The following NCALD variants were observed in gnomAD, a reference collection of about 807,000 sequenced individuals.
NCALD encodes neurocalcin-delta.
NCALD carries 10 observed loss-of-function variants against 18.6 expected under a neutral mutation model. The observed-to-expected ratio is 0.54, with a 90% CI of 0.33 to 0.91. The LOEUF is 0.91. Ranked by LOEUF, NCALD falls within the 40% of genes least tolerant of loss-of-function variation. NCALD has a pLI of 0.03. For missense variants in NCALD, 184 were observed against 247.6 expected (o/e 0.74, Z 1.72); for synonymous variants, 88 against 87.4 (o/e 1.01, Z -0.04).
At chr8:101,722,953 T>C (rs1173393555) in intron 1 of NCALD, among the ~76,000 whole-genome samples, 1 of 152,222 alleles carries the variant, frequency 6.6e-6, no homozygotes, top group African/African-American at 2.4e-5. Flanking sequence ...CTTGGTTAGA[T>C]GGTACAACAC....
intron 2 of NCALD, among the ~76,000 whole-genome samples, chr8:101,927,105 GTTTA>G (rs1345474137): frequency 6.6e-6 from 1 of 152,122 alleles, no homozygotes; most frequent in African/African-American, 2.4e-5. Flanking sequence ...ATCCCAGCAA[GTTTA>G]TTTACCCACT....
At chr8:101,875,291 C>G (rs571113294) in intron 4 of NCALD, among the ~76,000 whole-genome samples, 1 of 152,372 alleles carries the variant, frequency 6.6e-6, no homozygotes, top group South Asian at 2.1e-4. Context: ...CCTGGCTCTT[C>G]ATCCTGTTCC....
At chr8:102,000,867 C>G (rs1380671514) in intron 2 of NCALD, among the ~76,000 whole-genome samples, 1 of 152,130 alleles carries the variant, frequency 6.6e-6, no homozygotes, top group African/African-American at 2.4e-5. Context: ...ACACCAAAAC[C>G]CCATCTGTAC....
chr8:102,104,631 G>C (rs1018954070), intron 1 of NCALD, among the ~76,000 whole-genome samples: 3 of 152,094 alleles, frequency 2.0e-5, no homozygotes, highest in Admixed American at 2.0e-4. Context: ...TATTACAGCT[G>C]TCCAGTTATT....
At chr8:101,813,535 T>C (rs1399453666) in intron 4 of NCALD, among the ~76,000 whole-genome samples, 4 of 152,184 alleles carry the variant, frequency 2.6e-5, no homozygotes, top group Non-Finnish European at 5.9e-5. Context: ...CGAGACCAAT[T>C]TAAAATATTT....
chr8:102,074,468 C>A (rs1824277654), intron 1 of NCALD, among the ~76,000 whole-genome samples: 1 of 152,160 alleles, frequency 6.6e-6, no homozygotes, highest in Non-Finnish European at 1.5e-5. Flanking sequence ...AAGTTCCTGA[C>A]ATTGGTGTGA....
At chr8:101,920,013 T>C (rs948548310) in intron 2 of NCALD, among the ~76,000 whole-genome samples, 10 of 152,276 alleles carry the variant, frequency 6.6e-5, no homozygotes, top group South Asian at 4.2e-4. Flanking sequence ...CCCCAGCACT[T>C]CGGGAGGCCA....
intron 1 of NCALD, among the ~76,000 whole-genome samples, chr8:102,053,507 C>A (rs1259319486): frequency 1.3e-5 from 2 of 152,134 alleles, no homozygotes; most frequent in Non-Finnish European, 2.9e-5. Flanking sequence ...TTCATTTAAT[C>A]CTCACAGCAG....
At chr8:102,114,253 C>T (rs1218029397) in intron 1 of NCALD, among the ~76,000 whole-genome samples, 3 of 152,262 alleles carry the variant, frequency 2.0e-5, no homozygotes, top group Non-Finnish European at 4.4e-5. Flanking sequence ...TCACCCATCC[C>T]TACCAGGAGC....
chr8:101,739,630 C>A (rs1242974146), intron 1 of NCALD, among the ~76,000 whole-genome samples: 3 of 148,264 alleles, frequency 2.0e-5, no homozygotes, highest in Non-Finnish European at 4.4e-5. Flanking sequence ...TCTTTCTCCC[C>A]TGCTGGATGC....
intron 1 of NCALD, among the ~76,000 whole-genome samples, chr8:102,046,754 C>T (rs1256037513): frequency 6.6e-6 from 1 of 150,994 alleles, no homozygotes; most frequent in African/African-American, 2.4e-5. Flanking sequence ...ACTGGGATAA[C>T]AGGCTTGAGC....
chr8:101,854,922 T>C (rs972984228), intron 4 of NCALD, among the ~76,000 whole-genome samples: 1 of 152,170 alleles, frequency 6.6e-6, no homozygotes, highest in African/African-American at 2.4e-5. Flanking sequence ...AGATCAATAA[T>C]GCCATTGTGT....
intron 1 of NCALD, among the ~76,000 whole-genome samples, chr8:102,093,566 G>C (rs2132383902): frequency 6.6e-6 from 1 of 152,348 alleles, no homozygotes; most frequent in South Asian, 2.1e-4. Context: ...ACTCAGCTAG[G>C]AGGGATGGCC....
In NCALD at chr8:101,692,834, T is replaced by C; in HGVS notation, c.441A>G (p.Lys147=). ...TCTGGCGGAAGATCTTTTCTGTTCT[T>C]TTCTCTGGGGTTGACTCATCTTCAG... is the stretch of plus-strand genomic sequence containing the variant. ...KMPEDESTPE[K]RTEKIFRQMD... Residue 147 remains lysine (K), a synonymous_variant, in exon 3 of 4, where the codon AAA becomes AAG. Coordinates refer to ENST00000220931, the MANE Select transcript of NCALD (RefSeq NM_032041.3). The C allele has an allele frequency of 6.2e-7, 1 of 1,614,004 alleles. No individual in the cohort carries two copies. Among genetic ancestry groups the C allele is most frequent in the Non-Finnish European group, 8.5e-7 (1 of 1,179,910 alleles).
chr8:102,045,388 C>T (rs1217830704), intron 1 of NCALD, among the ~76,000 whole-genome samples: 1 of 152,138 alleles, frequency 6.6e-6, no homozygotes, highest in Non-Finnish European at 1.5e-5. Flanking sequence ...ATGTTATGCA[C>T]CTACCATACC....
chr8:101,843,582 GT>G lies in NCALD; in HGVS notation c.-20+43558del, dbSNP rs369393213. On this transcript the variant is annotated intron_variant, in intron 4 of 6. Transcript: ENST00000311028. ...TCTGTTCTATGAATCTTTAAAAATT[GT>G]TTTTTTTTTTTTTGAGACAGTCTTG... is the stretch of plus-strand genomic sequence containing the variant. Among the ~76,000 whole-genome samples, 142 of 125,092 alleles carry G rather than the reference GT, an allele frequency of 1.1e-3. 2 individuals carry two copies. The highest frequency in any genetic ancestry group is 4.4e-3 in the Middle Eastern group (1 of 228). The allele number at this position is 125,092 out of a possible 152,430, so 82.1% of individuals were successfully genotyped here.
At chr8:102,056,402 G>A (rs771669908) in intron 1 of NCALD, among the ~76,000 whole-genome samples, 6 of 152,174 alleles carry the variant, frequency 3.9e-5, no homozygotes, top group East Asian at 1.9e-4. Context: ...GCAAAATGGC[G>A]ATAATATATG....
chr8:102,014,861 G>T (rs1261750753), intron 2 of NCALD, among the ~76,000 whole-genome samples: 7 of 152,100 alleles, frequency 4.6e-5, no homozygotes, highest in African/African-American at 1.7e-4. Context: ...TAGTACACAA[G>T]AATTACTCGG....
intron 2 of NCALD, among the ~76,000 whole-genome samples, chr8:101,929,286 AG>A (rs1586770686): frequency 9.5e-5 from 1 of 10,472 alleles, no homozygotes; most frequent in Non-Finnish European, 1.7e-4. Flanking sequence ...GGAGGGAGGG[AG>A]GGAGGGAGGG....
Sources: allele counts gnomAD v4.1 joint callset (sites outside exome capture counted in the v4.1 genomes callset), GRCh38; gene constraint gnomAD v4.1.1; transcripts MANE v1.5; gene names NCBI Gene and HGNC (gene_info 2026-07-23, HGNC 2026-07-21).